TMBIM6: variants seen among roughly 807,000 people sequenced by gnomAD.
The protein encoded by TMBIM6 is transmembrane BAX inhibitor motif containing 6.
A neutral mutation model predicts 31.4 loss-of-function variants in TMBIM6; 13 were observed. That is an observed-to-expected ratio of 0.41 (90% confidence interval 0.27 to 0.66). The LOEUF (loss-of-function observed/expected upper bound fraction) is 0.66. Among genes scored for constraint, TMBIM6 ranks in the 30% least tolerant of loss-of-function variants. TMBIM6 has a pLI of 0.28. For synonymous variants in TMBIM6, 85 were observed against 101.7 expected, an observed-to-expected ratio of 0.84 and a Z score of 0.99; for missense variants, 275 against 289.5, an observed-to-expected ratio of 0.95 and a Z score of 0.36.
intron 4 of TMBIM6, among the ~76,000 whole-genome samples, chr12:49,756,613 G>T (rs190380346): frequency 5.9e-4 from 90 of 151,306 alleles, no homozygotes; most frequent in African/African-American, 2.0e-3. Flanking sequence ...TTTTAGTAGA[G>T]ACGGGGTTTC....
At chr12:49,744,096 A>C (rs1441035794) in intron 1 of TMBIM6, among the ~76,000 whole-genome samples, 1 of 152,210 alleles carries the variant, frequency 6.6e-6, no homozygotes, top group Non-Finnish European at 1.5e-5. Flanking sequence ...GAACTTAAAA[A>C]AGATGTATAA....
intron 1 of TMBIM6, among the ~76,000 whole-genome samples, chr12:49,750,211 A>G (rs930108567): frequency 2.0e-5 from 3 of 152,112 alleles, no homozygotes; most frequent in Non-Finnish European, 4.4e-5. Context: ...AGTTTCTGCC[A>G]TTCTCCCCTC....
intron 1 of TMBIM6, chr12:49,742,495 C>A: frequency 2.0e-6 from 1 of 498,156 alleles, no homozygotes; most frequent in Non-Finnish European, 3.4e-6. Flanking sequence ...CATTGACCAC[C>A]CCCACAACAA....
At chr12:49,743,589 C>A (rs535451321) in intron 1 of TMBIM6, 1 of 152,278 alleles carries the variant, frequency 6.6e-6, no homozygotes, top group South Asian at 2.1e-4. Flanking sequence ...AGATACTTAG[C>A]ATTTTCAAGT....
At chr12:49,749,187 C>A (rs929960220) in intron 1 of TMBIM6, among the ~76,000 whole-genome samples, 1 of 152,158 alleles carries the variant, frequency 6.6e-6, no homozygotes, top group Non-Finnish European at 1.5e-5. Context: ...ACAGTTTGAT[C>A]TCATTACTTA....
rs752279401 is a variant in TMBIM6 at position 49,758,453 on chromosome 12, A to G, written c.406A>G (p.Arg136Gly). The G allele has an allele frequency of 1.9e-5, 31 of 1,614,082 alleles. No homozygotes were observed. The South Asian group carries it at 3.3e-4, about 17-fold the overall frequency. The change falls in exon 6 of 10, where the codon AGG becomes GGG. Residue 136 changes from arginine to glycine, a missense_variant. Physicochemically the swap from Arg to Gly is moderately radical, Grantham distance 125. Transcript: ENST00000267115. The stretch of plus-strand genomic sequence containing the variant: ...CTTCACCCTCAGTGCACTCTATGCC[A>G]GGCGCCGTAGCTACCTCTTTCTGGG... ...TCFTLSALYA[R>G]RRSYLFLGGI... is the part of the protein sequence containing the mutation.
intron 4 of TMBIM6, among the ~76,000 whole-genome samples, chr12:49,756,310 A>G (rs1029629889): frequency 2.0e-5 from 3 of 147,876 alleles, no homozygotes; most frequent in African/African-American, 7.5e-5. Flanking sequence ...TAATTTTTGT[A>G]TTTTTAGTAG....
intron 3 of TMBIM6, among the ~76,000 whole-genome samples, chr12:49,754,669 G>A (rs1297759667): frequency 1.3e-5 from 2 of 152,126 alleles, no homozygotes; most frequent in African/African-American, 2.4e-5. Flanking sequence ...TTTAAAGGAA[G>A]GAAGGAACTT....
chr12:49,759,966 G>A (rs1288340081), intron 8 of TMBIM6, among the ~76,000 whole-genome samples: 1 of 151,656 alleles, frequency 6.6e-6, no homozygotes, highest in African/African-American at 2.4e-5. Flanking sequence ...CAAAAAATTA[G>A]TCGGGCGTGG....
chr12:49,747,413 A>G (rs938819907), intron 1 of TMBIM6, among the ~76,000 whole-genome samples: 2 of 151,980 alleles, frequency 1.3e-5, no homozygotes, highest in South Asian at 4.2e-4. Context: ...GGCTCAAGCA[A>G]TTCTCCTTCC....
At chr12:49,747,718 T>G (rs2136933114) in intron 1 of TMBIM6, among the ~76,000 whole-genome samples, 1 of 152,310 alleles carries the variant, frequency 6.6e-6, no homozygotes, top group Non-Finnish European at 1.5e-5. Context: ...TTTCTTTGAC[T>G]TGCTGTTTTA....
At chr12:49,753,172 C>G (rs1945527771) in intron 3 of TMBIM6, 91 bp downstream of exon 3, 1 of 846,672 alleles carries the variant, frequency 1.2e-6, no homozygotes, top group Admixed American at 2.8e-5. Flanking sequence ...CCCTGTTCCT[C>G]TCTTTAATCT....
intron 1 of TMBIM6, among the ~76,000 whole-genome samples, chr12:49,751,102 G>A (rs970841169): frequency 3.3e-5 from 5 of 152,262 alleles, no homozygotes; most frequent in East Asian, 3.9e-4. Context: ...GATTGAACAC[G>A]TTTACTTAGG....
At chr12:49,757,838 A>G (rs1308520885) in intron 4 of TMBIM6, among the ~76,000 whole-genome samples, 1 of 152,190 alleles carries the variant, frequency 6.6e-6, no homozygotes, top group African/African-American at 2.4e-5. Flanking sequence ...ACATGACTAT[A>G]AGGTTGCTGG....
intron 8 of TMBIM6, among the ~76,000 whole-genome samples, chr12:49,761,245 T>C (rs1945713576): frequency 6.6e-6 from 1 of 152,162 alleles, no homozygotes; most frequent in Non-Finnish European, 1.5e-5. Context: ...GGGCTTGCTC[T>C]GTCACCCAAG....
intron 3 of TMBIM6, 133 bp downstream of exon 3, chr12:49,753,214 T>C (rs1231476362): frequency 6.2e-6 from 4 of 646,744 alleles, no homozygotes; most frequent in Non-Finnish European, 1.0e-5. Context: ...AACTCAGACA[T>C]TAAATCAGGA....
At chr12:49,758,784 T>C (rs763337231) in intron 7 of TMBIM6, 22 bp downstream of exon 7, 22 of 1,601,996 alleles carry the variant, frequency 1.4e-5, no homozygotes, top group African/African-American at 5.4e-5. Flanking sequence ...CCTGGAACTT[T>C]CCAGCAGCCA....
At chr12:49,756,483 G>T (rs7487854) in intron 4 of TMBIM6, among the ~76,000 whole-genome samples, 16,866 of 140,568 alleles carry the variant, frequency 0.12, 1,520 homozygotes, top group African/African-American at 0.26. Context: ...CTCACCCTGT[G>T]GCCAGGCTGG....
intron 3 of TMBIM6, among the ~76,000 whole-genome samples, chr12:49,754,810 A>G (rs1299519051): frequency 1.3e-5 from 2 of 152,234 alleles, no homozygotes; most frequent in Non-Finnish European, 2.9e-5. Context: ...TAGAAAATTC[A>G]GAAAACAGAC....
Sources: gnomAD v4.1 joint callset for allele counts (sites outside exome capture counted in the v4.1 genomes callset) on GRCh38, gnomAD v4.1.1 for gene constraint, MANE v1.5 for transcripts, NCBI Gene and HGNC (gene_info 2026-07-23, HGNC 2026-07-21) for gene names.